LRP5: variants seen among roughly 807,000 people sequenced by gnomAD.
LRP5 encodes the protein LDL receptor related protein 5, also known as low-density lipoprotein receptor-related protein 5.
In LRP5, 62 loss-of-function variants were observed where a neutral mutation model predicts 154.1. The ratio of observed to expected loss-of-function variants is 0.40; its 90% confidence interval spans 0.33 to 0.50. The LOEUF (loss-of-function observed/expected upper bound fraction) is 0.50. LRP5 is among the 20% of genes least tolerant of loss of function. The pLI is 0.55. For synonymous variants in LRP5, 966 were observed against 1,011.5 expected (o/e 0.96, Z 0.85); for missense variants, 1,915 against 2,336.7 (o/e 0.82, Z 3.72).
intron 21 of LRP5, among the ~76,000 whole-genome samples, chr11:68,442,094 G>A (rs994114627): frequency 5.9e-5 from 9 of 152,202 alleles, no homozygotes; most frequent in Admixed American, 2.0e-4. Context: ...ATACAAGAGC[G>A]TGGACTTTGT....
intron 1 of LRP5, among the ~76,000 whole-genome samples, chr11:68,313,292 G>A (rs1271529298): frequency 1.3e-5 from 2 of 152,098 alleles, no homozygotes; most frequent in Non-Finnish European, 2.9e-5. Context: ...CCCGGGCGCG[G>A]GGCGGCCTGG....
chr11:68,313,005 C>T (rs1462457708), intron 1 of LRP5, among the ~76,000 whole-genome samples, 200 bp downstream of exon 1: 1 of 148,060 alleles, frequency 6.8e-6, no homozygotes, highest in Non-Finnish European at 1.5e-5. Context: ...CCACCCGGGC[C>T]CTCCCCGGGG....
chr11:68,303,022 G>A, the LRP5 span, among the ~76,000 whole-genome samples: 39,446 of 152,116 alleles, frequency 0.26, 5,698 homozygotes, highest in South Asian at 0.56. Flanking sequence ...CTTGAGGAGC[G>A]GAGGCAGCTG....
the LRP5 span, among the ~76,000 whole-genome samples, chr11:68,305,949 T>G: frequency 4.9e-4 from 74 of 152,304 alleles, no homozygotes; most frequent in Non-Finnish European, 8.7e-4. Context: ...AGGCCAGAAG[T>G]CTGAGGTGGA....
the LRP5 span, among the ~76,000 whole-genome samples, chr11:68,305,258 T>C: frequency 6.6e-6 from 1 of 151,846 alleles, no homozygotes; most frequent in Non-Finnish European, 1.5e-5. Context: ...CCCTGCTCTC[T>C]CTCTCTCTCG....
intron 9 of LRP5, among the ~76,000 whole-genome samples, chr11:68,407,292 C>T (rs1411556553): frequency 6.6e-6 from 1 of 151,794 alleles, no homozygotes; most frequent in African/African-American, 2.4e-5. Flanking sequence ...CCTCAGCCTC[C>T]TGAGTAGCTG....
At chr11:68,367,704 G>A (rs2098631839) in intron 5 of LRP5, among the ~76,000 whole-genome samples, 1 of 152,120 alleles carries the variant, frequency 6.6e-6, no homozygotes, top group South Asian at 2.1e-4. Context: ...GCAGGGAGTG[G>A]CCACCACAGT....
At chr11:68,356,141 GC>G (rs1441896736) in intron 2 of LRP5, among the ~76,000 whole-genome samples, 2 of 137,900 alleles carry the variant, frequency 1.5e-5, no homozygotes, top group Non-Finnish European at 3.2e-5. Flanking sequence ...ACCGCACCCA[GC>G]CTTTTTTTTT....
At chr11:68,313,344 C>G (rs1254636335) in intron 1 of LRP5, among the ~76,000 whole-genome samples, 2 of 152,074 alleles carry the variant, frequency 1.3e-5, no homozygotes, top group African/African-American at 4.8e-5. Context: ...TGTGGGTTTC[C>G]AAGCGGACTG....
intron 2 of LRP5, among the ~76,000 whole-genome samples, chr11:68,356,999 G>A (rs1244031685): frequency 2.3e-4 from 34 of 150,600 alleles, no homozygotes; most frequent in Admixed American, 1.3e-4. Context: ...GCAATGGTGC[G>A]ATTTCTGCTC....
chr11:68,334,326 G>GGT (rs1348772437), intron 1 of LRP5, among the ~76,000 whole-genome samples: 1 of 152,336 alleles, frequency 6.6e-6, no homozygotes, highest in African/African-American at 2.4e-5. Flanking sequence ...CCGGAAGCAA[G>GGT]GTGGGGTAGG....
chr11:68,324,992 T>C (rs2098598838), intron 1 of LRP5, among the ~76,000 whole-genome samples: 1 of 152,210 alleles, frequency 6.6e-6, no homozygotes, highest in Admixed American at 6.5e-5. Flanking sequence ...CCAGGTGAGC[T>C]CTGGGGGTCC....
chr11:68,429,008 A>T, intron 16 of LRP5, among the ~76,000 whole-genome samples: 1 of 137,880 alleles, frequency 7.3e-6, no homozygotes, highest in Non-Finnish European at 1.6e-5. Flanking sequence ...AAGGCAGGAG[A>T]ATGGCATGAA....
chr11:68,449,118 A>C lies in LRP5; in HGVS notation c.*48A>C. 7.1e-7 allele frequency: 1 copy of C among 1,416,744 alleles called. No individual in the cohort carries two copies. Among genetic ancestry groups the C allele is most frequent in the East Asian group, 2.3e-5 (1 of 42,650 alleles). 87.8% of individuals were successfully genotyped at this position (1,416,744 alleles called of 1,614,324 possible). A position where few individuals can be genotyped will look rare whatever the true frequency, so the allele number is the denominator to read the frequency against. On this transcript the variant is annotated 3_prime_UTR_variant, in exon 23 of 23. Transcript: ENST00000294304. Reference sequence around the variant, plus strand: ...TCTCTGTGCCCCTGTAAATAGTTTTAAATATGAACAAAGAAAAAAATATAT... The same window carrying C: ...TCTCTGTGCCCCTGTAAATAGTTTTCAATATGAACAAAGAAAAAAATATAT...
At chr11:68,318,507 TTTG>T (rs1215199281) in intron 1 of LRP5, among the ~76,000 whole-genome samples, 1 of 151,852 alleles carries the variant, frequency 6.6e-6, no homozygotes, top group East Asian at 1.9e-4. Flanking sequence ...CCCAGCTGAT[TTTG>T]TTGTTTTTTG....
At chr11:68,357,368 C>A (rs1565342207) in intron 2 of LRP5, among the ~76,000 whole-genome samples, 1 of 152,170 alleles carries the variant, frequency 6.6e-6, no homozygotes, top group Admixed American at 6.5e-5. Flanking sequence ...AAAAAACTTA[C>A]AGCAGAGTAC....
At chr11:68,350,740 C>A (rs2153131641) in intron 2 of LRP5, among the ~76,000 whole-genome samples, 1 of 152,348 alleles carries the variant, frequency 6.6e-6, no homozygotes, top group South Asian at 2.1e-4. Flanking sequence ...GCCAAGTTCA[C>A]CTCTTTGATC....
chr11:68,320,240 G>A (rs562583908), intron 1 of LRP5, among the ~76,000 whole-genome samples: 14 of 152,130 alleles, frequency 9.2e-5, no homozygotes, highest in Admixed American at 8.5e-4. Flanking sequence ...AAGCATCTAC[G>A]AGAACACACA....
In LRP5 at chr11:68,420,797, G is replaced by A. The variant is rs561376425; in HGVS notation, c.3028-2692G>A. Among the ~76,000 whole-genome samples the A allele has an allele frequency of 4.3e-4, 65 of 152,088 alleles. 1 individual carries two copies. Among genetic ancestry groups the A allele is most frequent in the Admixed American group, 5.9e-4 (9 of 15,270 alleles). On this transcript the variant is annotated intron_variant, in intron 13 of 22. Transcript: ENST00000294304. ...TAGGTTTCTTCCACCTTTGGTTGTC[G>A]TGAATAAGGCCACTATGAACATTTC...
Sources: gnomAD v4.1 joint callset for allele counts (sites outside exome capture counted in the v4.1 genomes callset) on GRCh38, gnomAD v4.1.1 for gene constraint, MANE v1.5 for transcripts, NCBI Gene and HGNC (gene_info 2026-07-23, HGNC 2026-07-21) for gene names.